The following ATP13A5 variants were observed in gnomAD, a reference collection of about 807,000 sequenced individuals.
ATP13A5 encodes the protein probable cation-transporting ATPase 13A5.
In ATP13A5, 149 loss-of-function variants were observed where a neutral mutation model predicts 150.2. The ratio of observed to expected loss-of-function variants is 0.99; its 90% CI spans 0.87 to 1.14. The LOEUF is 1.14. Among genes scored for constraint, ATP13A5 ranks in the 50% most tolerant of loss-of-function variants. ATP13A5 has a pLI of 0.00. For missense variants in ATP13A5, 1,383 were observed against 1,449.3 expected, an observed-to-expected ratio of 0.95 and a Z score of 0.74; for synonymous variants, 497 against 522.2, an observed-to-expected ratio of 0.95 and a Z score of 0.66.
chr3:193,362,744 G>A, intron 3 of ATP13A5, 107 bp from the exon 4 acceptor site: 1 of 715,792 alleles, frequency 1.4e-6, no homozygotes, highest in Non-Finnish European at 2.3e-6. Flanking sequence ...GGTCTCACTT[G>A]CTTTCCTTCT....
At chr3:193,340,437 G>A (rs1712072433) in intron 9 of ATP13A5, among the ~76,000 whole-genome samples, 1 of 152,158 alleles carries the variant, frequency 6.6e-6, no homozygotes, top group Non-Finnish European at 1.5e-5. Flanking sequence ...GAGGACGAAA[G>A]GATCAAAGGA....
intron 26 of ATP13A5, among the ~76,000 whole-genome samples, chr3:193,287,206 A>G (rs1162420302): frequency 6.6e-6 from 1 of 152,186 alleles, no homozygotes; most frequent in Admixed American, 6.6e-5. Flanking sequence ...GTCTTGATGT[A>G]GCAGCTGCAG....
intron 5 of ATP13A5, among the ~76,000 whole-genome samples, chr3:193,357,591 A>G (rs1402314819): frequency 6.6e-6 from 1 of 152,250 alleles, no homozygotes; most frequent in Non-Finnish European, 1.5e-5. Context: ...GGAAAGGTCT[A>G]AGAAACAAGG....
At chr3:193,325,991 C>T (rs903083755) in intron 13 of ATP13A5, among the ~76,000 whole-genome samples, 2 of 152,166 alleles carry the variant, frequency 1.3e-5, no homozygotes, top group Non-Finnish European at 2.9e-5. Context: ...GCACCAGGAG[C>T]AGAGACACAT....
intron 28 of ATP13A5, chr3:193,277,712 AG>A (rs1231071875): frequency 6.6e-6 from 1 of 152,266 alleles, no homozygotes; most frequent in Admixed American, 6.5e-5. Flanking sequence ...TGTTTGGAAA[AG>A]CTGGGTCAGA....
intron 10 of ATP13A5, 142 bp downstream of exon 10, chr3:193,334,787 G>C: frequency 1.4e-6 from 1 of 706,426 alleles, no homozygotes. Context: ...TGACACTTTA[G>C]AATAATAAGT....
At chr3:193,322,452 TG>T in intron 15 of ATP13A5, 38 bp downstream of exon 15, 2 of 1,442,906 alleles carry the variant, frequency 1.4e-6, no homozygotes, top group Non-Finnish European at 9.7e-7. Context: ...ACCAGTTTTA[TG>T]GGGAAAGAGC....
chr3:193,337,540 T>C (rs572417818), intron 9 of ATP13A5, among the ~76,000 whole-genome samples: 7 of 152,148 alleles, frequency 4.6e-5, no homozygotes, highest in Non-Finnish European at 8.8e-5. Flanking sequence ...CAGATGGTTG[T>C]AGATGTGTGG....
chr3:193,314,258 TCTCC>T, intron 18 of ATP13A5, 65 bp from the exon 19 acceptor site: 1 of 1,523,662 alleles, frequency 6.6e-7, no homozygotes, highest in Admixed American at 1.8e-5. Flanking sequence ...AGAACTGAGG[TCTCC>T]CTTTTCCACT....
chr3:193,307,490 C>T (rs1476807081), intron 21 of ATP13A5, 121 bp from the exon 22 acceptor site: 1 of 1,176,310 alleles, frequency 8.5e-7, no homozygotes, highest in Middle Eastern at 2.1e-4. Context: ...CTGAACACAC[C>T]TGGAATCAGG....
At chr3:193,374,912 C>T (rs533545159) in intron 1 of ATP13A5, among the ~76,000 whole-genome samples, 3 of 152,302 alleles carry the variant, frequency 2.0e-5, no homozygotes, top group East Asian at 3.9e-4. Context: ...CTCTCCTGCT[C>T]TCTCGTGCTC....
intron 7 of ATP13A5, among the ~76,000 whole-genome samples, chr3:193,350,847 C>A (rs940318344): frequency 4.6e-5 from 7 of 152,170 alleles, no homozygotes; most frequent in African/African-American, 1.7e-4. Context: ...CTAAACAAAG[C>A]ATTCGATGAA....
intron 1 of ATP13A5, among the ~76,000 whole-genome samples, chr3:193,373,096 T>C (rs1395953850): frequency 6.6e-6 from 1 of 152,190 alleles, no homozygotes; most frequent in African/African-American, 2.4e-5. Flanking sequence ...ATACATTACA[T>C]TGTATATGTA....
chr3:193,301,084 A>C (rs1056312362), intron 24 of ATP13A5, 127 bp downstream of exon 24: 1 of 810,226 alleles, frequency 1.2e-6, no homozygotes, highest in Non-Finnish European at 2.1e-6. Context: ...CTGAGTTTGC[A>C]GACACCTATT....
chr3:193,339,989 C>A (rs796226354), intron 9 of ATP13A5, among the ~76,000 whole-genome samples: 3 of 152,248 alleles, frequency 2.0e-5, no homozygotes, highest in African/African-American at 7.2e-5. Context: ...GTTTTCAAGT[C>A]TCTTTTATGC....
intron 16 of ATP13A5, 36 bp from the exon 17 acceptor site, chr3:193,319,144 A>C: frequency 6.1e-5 from 92 of 1,512,418 alleles, no homozygotes; most frequent in Non-Finnish European, 7.7e-5. Flanking sequence ...GTGTAAGGTC[A>C]TGTTGAAGGC....
chr3:193,354,357 A>G (rs1044868919), intron 5 of ATP13A5, among the ~76,000 whole-genome samples, 161 bp from the exon 6 acceptor site: 3 of 152,188 alleles, frequency 2.0e-5, no homozygotes, highest in Non-Finnish European at 2.9e-5. Flanking sequence ...CTAAACTACT[A>G]TTTTTGAAAT....
At chr3:193,282,076 A>G (rs947406993) in intron 27 of ATP13A5, among the ~76,000 whole-genome samples, 2 of 151,900 alleles carry the variant, frequency 1.3e-5, no homozygotes, top group Non-Finnish European at 2.9e-5. Flanking sequence ...GGCACCTGTA[A>G]TCCCAGCTAC....
chr3:193,359,326 C>T (rs1355087755), intron 5 of ATP13A5, among the ~76,000 whole-genome samples: 1 of 152,222 alleles, frequency 6.6e-6, no homozygotes, highest in Admixed American at 6.5e-5. Flanking sequence ...TCTAAATTTT[C>T]CTTTCCCCAA....
Sources: allele counts gnomAD v4.1 joint callset (sites outside exome capture counted in the v4.1 genomes callset), GRCh38; gene constraint gnomAD v4.1.1; transcripts MANE v1.5; gene names NCBI Gene and HGNC (gene_info 2026-07-23, HGNC 2026-07-21).